The following XYLT1 variants were observed in gnomAD, a reference collection of about 807,000 sequenced individuals.
XYLT1 encodes the protein xylosyltransferase 1.
A neutral mutation model predicts 91.3 loss-of-function variants in XYLT1; 36 were observed. The ratio of observed to expected loss-of-function variants is 0.39; its 90% confidence interval spans 0.30 to 0.52. XYLT1 has a LOEUF of 0.52. XYLT1 is among the 20% of genes least tolerant of loss of function. XYLT1 has a pLI of 0.68. For missense variants in XYLT1, 1,242 were observed against 1,284.5 expected, an observed-to-expected ratio of 0.97 and a Z score of 0.51; for synonymous variants, 588 against 532.0, an observed-to-expected ratio of 1.11 and a Z score of -1.45.
rs1226337141 is a variant in XYLT1, at chr16:17,138,500, G to C, written c.1619C>G (p.Pro540Arg). Residue 540 changes from proline (P) to arginine (R), a missense_variant, in exon 8 of 12, where the codon CCC (proline) becomes CGC (arginine). Pro to Arg is a moderately radical substitution (Grantham distance 103). Transcript: ENST00000261381. ...GTTGTCCACCATGGTGTCGCAGTGG[G>C]GGCTGTTCTCCAGGACCGTATGGAA... ...SFFHTVLENS[P>R]HCDTMVDNNL... The C allele has an allele frequency of 6.2e-7, 1 of 1,614,164 alleles. No homozygotes were observed. Among genetic ancestry groups the C allele is most frequent in the Non-Finnish European group, 8.5e-7 (1 of 1,180,026 alleles).
chr16:17,466,502 C>T (rs929595026), intron 1 of XYLT1, among the ~76,000 whole-genome samples: 4 of 152,222 alleles, frequency 2.6e-5, no homozygotes, highest in Non-Finnish European at 5.9e-5. Flanking sequence ...CACCAAATTT[C>T]CTCTTCTATT....
intron 1 of XYLT1, among the ~76,000 whole-genome samples, chr16:17,399,092 A>G (rs904265614): frequency 1.3e-5 from 2 of 152,106 alleles, no homozygotes; most frequent in African/African-American, 2.4e-5. Flanking sequence ...GCATCTTTGC[A>G]AATTACATCT....
At chr16:17,165,474 C>G (rs2031655373) in intron 5 of XYLT1, among the ~76,000 whole-genome samples, 1 of 151,468 alleles carries the variant, frequency 6.6e-6, no homozygotes, top group African/African-American at 2.4e-5. Flanking sequence ...ATCATGAGGT[C>G]AAGAGATTGA....
chr16:17,244,758 C>T (rs1276983512), intron 3 of XYLT1, among the ~76,000 whole-genome samples: 2 of 152,182 alleles, frequency 1.3e-5, no homozygotes. Context: ...CTGGCAACAA[C>T]CTAAATGTCC....
rs138379338 is a variant in XYLT1, at chr16:17,265,266, A to G, written c.403-5768T>C. On this transcript the variant is annotated intron_variant, in intron 2 of 11. Coordinates refer to ENST00000261381, the MANE Select transcript of XYLT1 (RefSeq NM_022166.4). The stretch of plus-strand genomic sequence containing the variant: ...GTAAAACTACTAGAATATGCCCACC[A>G]CACAAAGCTGGAAGAAGAATGAGCA... Among the ~76,000 whole-genome samples the G allele has an allele frequency of 4.6e-3, 695 of 152,252 alleles. 4 individuals carry two copies. Among genetic ancestry groups the G allele is most frequent in the African/African-American group, 0.015 (642 of 41,540 alleles).
intron 3 of XYLT1, among the ~76,000 whole-genome samples, chr16:17,226,115 T>TA (rs1300555079): frequency 6.6e-6 from 1 of 152,154 alleles, no homozygotes; most frequent in Non-Finnish European, 1.5e-5. Context: ...CTGTTATGGT[T>TA]AAATGATGAA....
At chr16:17,252,247 A>G (rs1256521108) in intron 3 of XYLT1, among the ~76,000 whole-genome samples, 1 of 152,194 alleles carries the variant, frequency 6.6e-6, no homozygotes, top group Non-Finnish European at 1.5e-5. Context: ...AAGACAGAAG[A>G]TGAGTTTTTG....
At position 17,102,498 on chromosome 16, in the gene XYLT1, A is replaced by C. The variant is rs1455588185; in HGVS notation, c.*6197T>G. Reference sequence around the variant, plus strand: ...ACAGAAACAAACTCCCCTAGACAAAAAAATACAGCTAAGGCACAATTTTGT... The same window carrying C: ...ACAGAAACAAACTCCCCTAGACAAACAAATACAGCTAAGGCACAATTTTGT... On this transcript the variant is annotated 3_prime_UTR_variant, in exon 12 of 12. Transcript: ENST00000261381. The C allele has an allele frequency of 1.3e-5, 2 of 152,642 alleles. No homozygotes were observed. Among genetic ancestry groups the C allele is most frequent in the African/African-American group, 2.4e-5 (1 of 41,450 alleles). 9.5% of individuals were successfully genotyped at this position (152,642 alleles called of 1,614,324 possible).
chr16:17,138,436 G>A lies in XYLT1; in HGVS notation c.1683C>T (p.Cys561=), dbSNP rs756419060. 2 of 1,614,190 alleles carry A rather than the reference G, an allele frequency of 1.2e-6. No individual in the cohort carries two copies. Among genetic ancestry groups the A allele is most frequent in the Non-Finnish European group, 1.7e-6 (2 of 1,180,036 alleles). ...RITNWNRKLG[C]KCQYKHIVDW... ...CCACGATGTGCTTGTACTGGCACTT[G>A]CAGCCCAGCTTGCGATTCCAGTTGG... Residue 561 remains cysteine, a synonymous_variant, in exon 8 of 12, where the codon TGC becomes TGT. Coordinates refer to ENST00000261381, the MANE Select transcript of XYLT1 (RefSeq NM_022166.4).
chr16:17,393,802 GC>G (rs1265826997), intron 1 of XYLT1, among the ~76,000 whole-genome samples: 1 of 151,822 alleles, frequency 6.6e-6, no homozygotes, highest in Non-Finnish European at 1.5e-5. Context: ...TTGAGATGGA[GC>G]CTTGCTCTGT....
At chr16:17,151,521 G>C (rs2031282708) in intron 6 of XYLT1, among the ~76,000 whole-genome samples, 1 of 152,174 alleles carries the variant, frequency 6.6e-6, no homozygotes, top group Admixed American at 6.5e-5. Flanking sequence ...TCTAGCCTCA[G>C]TGTCCCCATC....
intron 5 of XYLT1, among the ~76,000 whole-genome samples, chr16:17,189,114 C>T (rs2032253377): frequency 6.6e-6 from 1 of 152,190 alleles, no homozygotes; most frequent in South Asian, 2.1e-4. Flanking sequence ...GAAGTATCTT[C>T]ACTGGGCTGA....
intron 1 of XYLT1, among the ~76,000 whole-genome samples, chr16:17,417,603 A>C (rs2036195892): frequency 6.6e-6 from 1 of 152,158 alleles, no homozygotes; most frequent in Admixed American, 6.5e-5. Flanking sequence ...TCAAAGTTAC[A>C]ATTTAACAAA....
chr16:17,272,742 C>T (rs948494040), intron 2 of XYLT1, among the ~76,000 whole-genome samples: 5 of 152,312 alleles, frequency 3.3e-5, no homozygotes, highest in African/African-American at 9.6e-5. Flanking sequence ...CTGTCCGGCC[C>T]GGCCAGTGTC....
intron 10 of XYLT1, among the ~76,000 whole-genome samples, chr16:17,121,929 G>A (rs987744685): frequency 4.0e-5 from 6 of 151,780 alleles, no homozygotes; most frequent in South Asian, 2.1e-4. Context: ...CCATTGTTTC[G>A]TTCCTTTTTA....
intron 1 of XYLT1, among the ~76,000 whole-genome samples, chr16:17,469,986 C>T (rs1284927631): frequency 6.6e-6 from 1 of 152,184 alleles, no homozygotes; most frequent in East Asian, 1.9e-4. Flanking sequence ...GAGGGCTCAA[C>T]TGTCTGCACC....
intron 3 of XYLT1, among the ~76,000 whole-genome samples, chr16:17,254,623 G>A (rs991831474): frequency 2.8e-4 from 42 of 152,110 alleles, no homozygotes; most frequent in African/African-American, 9.9e-4. Context: ...TTGAACTGAT[G>A]ACCTCGGGTG....
intron 5 of XYLT1, among the ~76,000 whole-genome samples, chr16:17,190,935 T>A (rs2032296488): frequency 6.6e-6 from 1 of 152,224 alleles, no homozygotes; most frequent in Non-Finnish European, 1.5e-5. Flanking sequence ...TGTGCCTCAG[T>A]TTATTCATCT....
At chr16:17,275,779 A>G (rs1186075274) in intron 2 of XYLT1, among the ~76,000 whole-genome samples, 1 of 152,134 alleles carries the variant, frequency 6.6e-6, no homozygotes, top group Admixed American at 6.6e-5. Context: ...GGGGCACTTA[A>G]GGAGACAAAT....
Sources: gnomAD v4.1 joint callset for allele counts (sites outside exome capture counted in the v4.1 genomes callset) on GRCh38, gnomAD v4.1.1 for gene constraint, MANE v1.5 for transcripts, NCBI Gene and HGNC (gene_info 2026-07-23, HGNC 2026-07-21) for gene names.